NCKAP5: variants seen among roughly 807,000 people sequenced by gnomAD.
NCKAP5 encodes nck-associated protein 5.
NCKAP5 carries 92 observed loss-of-function variants against 167.0 expected under a neutral mutation model. The observed-to-expected ratio is 0.55, with a 90% CI of 0.47 to 0.66. The LOEUF (loss-of-function observed/expected upper bound fraction) is 0.66, where lower values mean the gene tolerates loss of function less well. Ranked by LOEUF, NCKAP5 falls within the 30% of genes least tolerant of loss-of-function variation. NCKAP5 has a pLI of 0.00. For synonymous variants in NCKAP5, 891 were observed against 877.4 expected (o/e 1.02, Z -0.27); for missense variants, 2,378 against 2,315.0 (o/e 1.03, Z -0.56).
At chr2:133,011,522 G>T (rs1190495639) in intron 6 of NCKAP5, among the ~76,000 whole-genome samples, 1 of 152,218 alleles carries the variant, frequency 6.6e-6, no homozygotes, top group Non-Finnish European at 1.5e-5. Flanking sequence ...ATCTTGTTAG[G>T]CTATAATAGG....
intron 5 of NCKAP5, among the ~76,000 whole-genome samples, chr2:133,167,564 G>A (rs892025486): frequency 6.6e-6 from 1 of 152,110 alleles, no homozygotes; most frequent in African/African-American, 2.4e-5. Flanking sequence ...TAAGAGACCT[G>A]CTTGAAGTAG....
At chr2:133,246,625 G>C (rs1407895060) in intron 4 of NCKAP5, among the ~76,000 whole-genome samples, 1 of 152,134 alleles carries the variant, frequency 6.6e-6, no homozygotes, top group African/African-American at 2.4e-5. Context: ...ATTGTTTCTT[G>C]AAATTTTTGT....
chr2:132,932,580 G>A (rs1322832156), intron 8 of NCKAP5, among the ~76,000 whole-genome samples: 1 of 152,192 alleles, frequency 6.6e-6, no homozygotes, highest in Non-Finnish European at 1.5e-5. Flanking sequence ...ACTGCAATGG[G>A]AAAGGTGACA....
At chr2:133,439,376 C>A (rs1306602920) in intron 3 of NCKAP5, among the ~76,000 whole-genome samples, 1 of 152,084 alleles carries the variant, frequency 6.6e-6, no homozygotes, top group African/African-American at 2.4e-5. Context: ...TTGCTCTTTT[C>A]AGAAGCTGAA....
At chr2:133,228,619 A>G (rs2087002627) in intron 4 of NCKAP5, among the ~76,000 whole-genome samples, 1 of 152,216 alleles carries the variant, frequency 6.6e-6, no homozygotes, top group African/African-American at 2.4e-5. Flanking sequence ...AAAGTTAACT[A>G]TGAAACACTG....
intron 2 of NCKAP5, among the ~76,000 whole-genome samples, chr2:133,557,487 G>A (rs1040300806): frequency 6.6e-5 from 10 of 152,098 alleles, no homozygotes; most frequent in African/African-American, 2.2e-4. Context: ...ACATATGAAC[G>A]AAAGAGAGAG....
intron 6 of NCKAP5, among the ~76,000 whole-genome samples, chr2:133,090,621 C>G (rs1402126523): frequency 6.6e-6 from 1 of 152,086 alleles, no homozygotes; most frequent in Admixed American, 6.5e-5. Context: ...AATTTCTGTC[C>G]TTTTAAGCCA....
In NCKAP5 at chr2:132,767,249, T is replaced by G. The variant is rs1681581687; in HGVS notation, c.5128+6567A>C. 6.7e-5 allele frequency among the ~76,000 whole-genome samples: 10 copies of G among 149,234 alleles called. No homozygotes were observed. In the South Asian group the frequency reaches 2.1e-3, roughly 31 times the overall value. On this transcript the variant is annotated intron_variant, in intron 16 of 19. Coordinates refer to ENST00000409261, the MANE Select transcript of NCKAP5 (RefSeq NM_207363.3). ...AGAGTTCTTATTCTTCTTTTTTTCT[T>G]TTTTTTTCTTTTTTGAGACAGAGCT...
rs186005563 is a variant in NCKAP5, at chr2:133,456,261, A to G, written c.69+61197T>C. Reference sequence around the variant, plus strand: ...GCAAGAGAACATGTCCCAGGCCCCCATGCAGAAAGGAGTAGCAATTATGAT... The same window carrying G: ...GCAAGAGAACATGTCCCAGGCCCCCGTGCAGAAAGGAGTAGCAATTATGAT... On this transcript the variant is annotated intron_variant, in intron 3 of 19. Coordinates refer to ENST00000409261, the MANE Select transcript of NCKAP5 (RefSeq NM_207363.3). 2.6e-5 allele frequency among the ~76,000 whole-genome samples: 4 copies of G among 152,300 alleles called. No individual in the cohort carries two copies. In the East Asian group the frequency reaches 7.7e-4, roughly 29 times the overall value.
intron 19 of NCKAP5, among the ~76,000 whole-genome samples, chr2:132,715,215 T>C (rs1234501669): frequency 6.6e-6 from 1 of 152,182 alleles, no homozygotes; most frequent in African/African-American, 2.4e-5. Context: ...ATGATAATAG[T>C]TACTTCTACA....
At position 133,466,491 on chromosome 2, in the gene NCKAP5, G is replaced by A. The variant is rs1258289028; in HGVS notation, c.69+50967C>T. The stretch of plus-strand genomic sequence containing the variant: ...TGGCTTAGGATTGACTTGGCGATGC[G>A]GGCTCTTTTTTGGTTCCATATGAAC... On this transcript the variant is annotated intron_variant, in intron 3 of 19. Coordinates refer to ENST00000409261, the MANE Select transcript of NCKAP5 (RefSeq NM_207363.3). Among the ~76,000 whole-genome samples the A allele has an allele frequency of 4.7e-5, 7 of 147,816 alleles. No homozygotes were observed. The South Asian group carries it at 8.7e-4, about 18-fold the overall frequency.
intron 19 of NCKAP5, among the ~76,000 whole-genome samples, chr2:132,721,748 C>T (rs1050898390): frequency 5.3e-5 from 8 of 152,238 alleles, no homozygotes; most frequent in African/African-American, 1.9e-4. Flanking sequence ...GAACATTTTC[C>T]CTTCCTGGCA....
chr2:133,268,692 G>C (rs1197391195), intron 4 of NCKAP5, among the ~76,000 whole-genome samples: 1 of 151,872 alleles, frequency 6.6e-6, no homozygotes, highest in Non-Finnish European at 1.5e-5. Context: ...CCGTGGTCTC[G>C]ATCTCCTGAC....
intron 2 of NCKAP5, among the ~76,000 whole-genome samples, chr2:133,540,883 C>T (rs576949563): frequency 5.8e-5 from 8 of 138,650 alleles, no homozygotes; most frequent in Non-Finnish European, 1.1e-4. Flanking sequence ...TGCAGCAAGC[C>T]GAGATTGGCT....
intron 11 of NCKAP5, among the ~76,000 whole-genome samples, chr2:132,807,747 A>T (rs1685547799): frequency 6.6e-6 from 1 of 152,016 alleles, no homozygotes. Flanking sequence ...GATGCCCTTT[A>T]TTTCTTTCTC....
intron 8 of NCKAP5, among the ~76,000 whole-genome samples, chr2:132,903,113 T>C (rs906221212): frequency 6.6e-6 from 1 of 152,178 alleles, no homozygotes; most frequent in Non-Finnish European, 1.5e-5. Context: ...GGATAATGCA[T>C]GGAGAGCACT....
chr2:133,201,190 A>C (rs1283721606), intron 5 of NCKAP5, among the ~76,000 whole-genome samples: 1 of 152,208 alleles, frequency 6.6e-6, no homozygotes, highest in Non-Finnish European at 1.5e-5. Flanking sequence ...TACAGCGTGA[A>C]TCTGCTGGAC....
intron 16 of NCKAP5, among the ~76,000 whole-genome samples, chr2:132,756,528 A>C (rs1275073811): frequency 6.6e-6 from 1 of 152,134 alleles, no homozygotes; most frequent in East Asian, 1.9e-4. Context: ...TCATTACCAT[A>C]TTACCCTGTC....
intron 11 of NCKAP5, among the ~76,000 whole-genome samples, chr2:132,839,757 C>CAAAAA (rs59000613): frequency 6.3e-5 from 4 of 63,074 alleles, no homozygotes; most frequent in Non-Finnish European, 9.0e-5. Flanking sequence ...GACCTTGTCT[C>CAAAAA]AAAAAAAAAA....
Sources: allele counts gnomAD v4.1 joint callset (sites outside exome capture counted in the v4.1 genomes callset), GRCh38; gene constraint gnomAD v4.1.1; transcripts MANE v1.5; gene names NCBI Gene and HGNC (gene_info 2026-07-23, HGNC 2026-07-21).